The following LCOR variants were observed in gnomAD, a reference collection of about 807,000 sequenced individuals.
LCOR encodes the protein ligand-dependent corepressor.
In LCOR, 14 loss-of-function variants were observed where a neutral mutation model predicts 64.4. That is an observed-to-expected ratio of 0.22 (90% CI 0.14 to 0.34). The LOEUF is 0.34. LCOR is among the 10% of genes least tolerant of loss of function. The probability of loss-of-function intolerance (pLI) is 1.00; values close to 1 mark genes in which losing one functional copy is unlikely to be tolerated. For synonymous variants in LCOR, 643 were observed against 642.5 expected (o/e 1.00, Z -0.01); for missense variants, 1,686 against 1,765.3 (o/e 0.96, Z 0.80).
At chr10:96,910,947 A>G (rs1168855502) in intron 4 of LCOR, among the ~76,000 whole-genome samples, 1 of 152,234 alleles carries the variant, frequency 6.6e-6, no homozygotes, top group Non-Finnish European at 1.5e-5. Context: ...CTCTTTGGGA[A>G]GTAGAACAGG....
intron 7 of LCOR, chr10:96,958,155 A>G (rs906513982): frequency 1.2e-4 from 147 of 1,255,316 alleles, no homozygotes; most frequent in Middle Eastern, 9.2e-4. Context: ...TCAGTAGCCC[A>G]GGATTGCTAC....
chr10:96,978,188 G>A (rs528980381), intron 7 of LCOR, among the ~76,000 whole-genome samples: 1 of 152,334 alleles, frequency 6.6e-6, no homozygotes, highest in East Asian at 1.9e-4. Context: ...AAAGTCTGCA[G>A]CTGCATGAGG....
At chr10:96,835,233 A>C (rs1374779793) in intron 2 of LCOR, among the ~76,000 whole-genome samples, 2 of 152,162 alleles carry the variant, frequency 1.3e-5, no homozygotes, top group Admixed American at 1.3e-4. Flanking sequence ...ATGACTGATA[A>C]ATTATTTCTG....
At chr10:96,971,812 A>G (rs943839308) in intron 7 of LCOR, among the ~76,000 whole-genome samples, 1 of 152,220 alleles carries the variant, frequency 6.6e-6, no homozygotes, top group Admixed American at 6.5e-5. Flanking sequence ...AGGCAAGGGA[A>G]GTGATGAAAC....
In LCOR at chr10:96,983,440, G is replaced by A. The variant is rs370803736; in HGVS notation, c.2980G>A (p.Val994Ile). ...GCATGTGGAGGAGGCTGTGAATGAG[G>A]TAGACAACGAAAACACCCAGCAGAA... ...TQHVEEAVNE[V>I]DNENTQQKDD... Residue 994 changes from valine to isoleucine, a missense_variant, in exon 8 of 8, where the codon GTA becomes ATA. Physicochemically the swap from Val to Ile is conservative, Grantham distance 29. This residue lies in a region of LCOR where 1,293 missense variants were observed against 1,410.4 expected (regional missense o/e 0.92). Transcript: ENST00000421806. The surrounding 1 kb of genome is among the most constrained non-coding windows in gnomAD (Gnocchi z 4.5). 5 of 1,614,082 alleles carry A rather than the reference G, an allele frequency of 3.1e-6. No individual in the cohort carries two copies. The African/African-American group carries it at 5.3e-5, about 17-fold the overall frequency.
intron 4 of LCOR, among the ~76,000 whole-genome samples, chr10:96,941,062 AC>A (rs1281246999): frequency 2.9e-3 from 111 of 37,656 alleles, no homozygotes; most frequent in East Asian, 0.024. Context: ...CGGCTGGCCG[AC>A]CCCCCCCCCG....
chr10:96,844,582 C>G (rs918397313), intron 2 of LCOR, among the ~76,000 whole-genome samples: 6 of 152,286 alleles, frequency 3.9e-5, no homozygotes, highest in Admixed American at 3.9e-4. Flanking sequence ...TCAGCTGTCA[C>G]AGTCCTATTT....
chr10:96,903,018 T>C (rs893361451), intron 2 of LCOR, among the ~76,000 whole-genome samples: 4 of 152,194 alleles, frequency 2.6e-5, no homozygotes, highest in Non-Finnish European at 5.9e-5. Context: ...CTGAATACTG[T>C]AGGAAATACC....
chr10:96,980,555 T>C (rs1174260375), intron 7 of LCOR, among the ~76,000 whole-genome samples: 1 of 152,068 alleles, frequency 6.6e-6, no homozygotes, highest in African/African-American at 2.4e-5. Context: ...ACCCTCTTTA[T>C]AATACAGATA....
intron 2 of LCOR, among the ~76,000 whole-genome samples, chr10:96,903,288 C>T (rs535081469): frequency 6.6e-6 from 1 of 152,154 alleles, no homozygotes; most frequent in Admixed American, 6.5e-5. Context: ...AAAGTAATTG[C>T]AGTCCAACAT....
chr10:96,891,705 A>G (rs765681506), intron 2 of LCOR, among the ~76,000 whole-genome samples: 2 of 151,022 alleles, frequency 1.3e-5, no homozygotes, highest in South Asian at 2.1e-4. Context: ...ACCACGTCCA[A>G]CTAATTTTTG....
intron 2 of LCOR, among the ~76,000 whole-genome samples, chr10:96,885,750 C>T (rs186037154): frequency 4.3e-4 from 64 of 147,794 alleles, no homozygotes; most frequent in Non-Finnish European, 7.8e-4. Flanking sequence ...CAGGATGAAC[C>T]GAAAAGAAAA....
At chr10:96,955,823 G>T (rs867044136) in intron 7 of LCOR, 1 of 1,614,042 alleles carries the variant, frequency 6.2e-7, no homozygotes, top group Admixed American at 1.7e-5. Context: ...AGAAAAAGAT[G>T]AAATTAATGA....
intron 2 of LCOR, among the ~76,000 whole-genome samples, chr10:96,873,801 A>C (rs1283233245): frequency 2.6e-5 from 4 of 152,026 alleles, no homozygotes; most frequent in Admixed American, 6.6e-5. Context: ...ATGGGGTTTC[A>C]CCATATTGGT....
In LCOR at chr10:96,895,756, A is replaced by G. The variant is rs368522439; in HGVS notation, c.-329-11509A>G. Among the ~76,000 whole-genome samples the G allele has an allele frequency of 4.5e-4, 68 of 152,304 alleles. 1 individual carries two copies. The highest frequency in any genetic ancestry group is 1.4e-3 in the African/African-American group (60 of 41,568). On this transcript the variant is annotated intron_variant, in intron 2 of 7. Transcript: ENST00000421806. ...CAGTGCTGTTCACTCTGCCTAGAACATTCATGTGTCTCCATATGGCTTGTT... is the reference window on the plus strand; with the variant it reads ...CAGTGCTGTTCACTCTGCCTAGAACGTTCATGTGTCTCCATATGGCTTGTT...
intron 5 of LCOR, among the ~76,000 whole-genome samples, chr10:96,947,371 G>GA (rs1847606537): frequency 1.3e-5 from 2 of 151,974 alleles, no homozygotes; most frequent in Non-Finnish European, 2.9e-5. Flanking sequence ...CCTTTCGGGG[G>GA]AAAAAATTGC....
intron 7 of LCOR, among the ~76,000 whole-genome samples, chr10:96,953,603 C>G (rs1008014340): frequency 1.3e-5 from 2 of 152,174 alleles, no homozygotes; most frequent in African/African-American, 4.8e-5. Context: ...ATTAAGGACA[C>G]CTGTAGAAGT....
At chr10:96,925,009 C>T (rs1350082173) in intron 4 of LCOR, among the ~76,000 whole-genome samples, 2 of 151,716 alleles carry the variant, frequency 1.3e-5, no homozygotes, top group Middle Eastern at 3.2e-3. Context: ...TCTTTAGTCT[C>T]CTTTAGTCTA....
intron 7 of LCOR, among the ~76,000 whole-genome samples, chr10:96,975,937 C>T (rs942403888): frequency 9.9e-5 from 15 of 152,144 alleles, no homozygotes; most frequent in African/African-American, 2.9e-4. Flanking sequence ...GTTGCTTGAA[C>T]CCGGGAGGTG....
Sources: allele counts gnomAD v4.1 joint callset (sites outside exome capture counted in the v4.1 genomes callset), GRCh38; gene constraint gnomAD v4.1.1; regional missense constraint gnomAD v4.1.1; non-coding constraint Gnocchi (gnomAD v3.1); transcripts MANE v1.5; gene names NCBI Gene and HGNC (gene_info 2026-07-23, HGNC 2026-07-21).